The following MAD2L2 variants were observed in gnomAD, a reference collection of about 807,000 sequenced individuals.
The protein encoded by MAD2L2 is mitotic arrest deficient 2 like 2.
A neutral mutation model predicts 30.5 loss-of-function variants in MAD2L2; 17 were observed. The ratio of observed to expected loss-of-function variants is 0.56; its 90% CI spans 0.38 to 0.84. MAD2L2 has a LOEUF of 0.84. Among genes scored for constraint, MAD2L2 ranks in the 40% least tolerant of loss-of-function variants. The pLI, the probability that MAD2L2 is intolerant of heterozygous loss-of-function variation, is 0.00. For missense variants in MAD2L2, 213 were observed against 277.4 expected, an observed-to-expected ratio of 0.77 and a Z score of 1.65; for synonymous variants, 101 against 113.9, an observed-to-expected ratio of 0.89 and a Z score of 0.72.
upstream of MAD2L2, among the ~76,000 whole-genome samples, chr1:11,682,360 G>C (rs1640892625): frequency 6.6e-6 from 1 of 152,218 alleles, no homozygotes; most frequent in East Asian, 1.9e-4. Context: ...AGGGACGTAA[G>C]AGCTTGTTAG....
Position 11,688,344 on chromosome 1 carries a change from G to T in MAD2L2, c.-692+3069C>A, listed in dbSNP as rs1044158926. ...GGAGGCCGAGGCTGGCGAATCACCT[G>T]AGGTCAGGATATCGAGACCATCCTG... On this transcript the variant is annotated intron_variant, in intron 1 of 10. Transcript: ENST00000235310. The surrounding 1 kb of genome is among the most constrained non-coding windows in gnomAD (Gnocchi z 4.6). Among the ~76,000 whole-genome samples the T allele has an allele frequency of 3.9e-5, 6 of 152,190 alleles. No homozygotes were observed. Among genetic ancestry groups the T allele is most frequent in the African/African-American group, 1.4e-4 (6 of 41,450 alleles).
chr1:11,685,123 C>T (rs1338677531), upstream of MAD2L2, among the ~76,000 whole-genome samples: 1 of 151,960 alleles, frequency 6.6e-6, no homozygotes. Context: ...GAGGCAGGGT[C>T]TCCCCATGTT....
At chr1:11,680,922 CCGGGAGCGCAAAG>C (rs1238384169) in intron 1 of MAD2L2, 104 bp downstream of exon 1, 5 of 453,106 alleles carry the variant, frequency 1.1e-5, no homozygotes, top group Middle Eastern at 1.5e-3. Flanking sequence ...ATGCCCAGGG[CCGGGAGCGCAAAG>C]CGGGACATGC....
rs572482416 is a variant in MAD2L2, at chr1:11,690,536, A to C, written c.-692+877T>G. ...TCGAGGTCATAGGGGACGGCATCAG[A>C]AGAGGAACACAGACATTTAGCCTGA... On this transcript the variant is annotated intron_variant, in intron 1 of 10. Coordinates refer to the MAD2L2 transcript ENST00000235310. The surrounding 1 kb of genome is among the most constrained non-coding windows in gnomAD (Gnocchi z 4.2). 6.6e-6 allele frequency among the ~76,000 whole-genome samples: 1 copy of C among 152,356 alleles called. No homozygotes were observed. Among genetic ancestry groups the C allele is most frequent in the South Asian group, 2.1e-4 (1 of 4,824 alleles).
At position 11,674,641 on chromosome 1, in the gene MAD2L2, CCGGGCTGGGGCGGG is replaced by C; in HGVS notation, c.*120_*133del. ...ATCCTCCAAGCAGACCTGAGCGGCCCCGGGCTGGGGCGGGCGATCCACACACAGAGGCGATAAGA... is the reference window on the plus strand; with the variant it reads ...ATCCTCCAAGCAGACCTGAGCGGCCCCGATCCACACACAGAGGCGATAAGA... On this transcript the variant is annotated 3_prime_UTR_variant, in exon 9 of 9. Transcript: ENST00000376692. The surrounding 1 kb of genome is among the most constrained non-coding windows in gnomAD (Gnocchi z 6.1). 1 of 959,724 alleles carries C rather than the reference CCGGGCTGGGGCGGG, an allele frequency of 1.0e-6. No individual in the cohort carries two copies. The highest frequency in any genetic ancestry group is 1.6e-6 in the Non-Finnish European group (1 of 618,746). 59.5% of individuals were successfully genotyped at this position (959,724 alleles called of 1,614,324 possible). A position where few individuals can be genotyped will look rare whatever the true frequency, so the allele number is the denominator to read the frequency against.
In MAD2L2 at chr1:11,674,985, G is replaced by A. The variant is rs765354720; in HGVS notation, c.594+97C>T. 109 of 1,283,622 alleles carry A rather than the reference G, an allele frequency of 8.5e-5. No individual in the cohort carries two copies. Among genetic ancestry groups the A allele is most frequent in the Non-Finnish European group, 1.1e-4 (101 of 906,366 alleles). The allele number at this position is 1,283,622 out of a possible 1,614,324, so 79.5% of individuals were successfully genotyped here. ...GGAGCCCTCCACCAGGCACTCCCCCGTTCTCTCCCGCAAGCCCTCTAGTAA... is the reference window on the plus strand; with the variant it reads ...GGAGCCCTCCACCAGGCACTCCCCCATTCTCTCCCGCAAGCCCTCTAGTAA... On this transcript the variant is annotated intron_variant, in intron 8 of 8. Transcript: ENST00000376692. This position sits in a 1 kb window ranked among gnomAD's most constrained non-coding sequence, Gnocchi z 6.1.
chr1:11,683,759 G>A (rs1417336157), upstream of MAD2L2, among the ~76,000 whole-genome samples: 2 of 152,042 alleles, frequency 1.3e-5, no homozygotes, highest in Non-Finnish European at 2.9e-5. Context: ...ATCACCTGAG[G>A]TCAGGAGTTT....
chr1:11,686,470 T>A (rs1278940029), intron 1 of MAD2L2, among the ~76,000 whole-genome samples: 1 of 152,220 alleles, frequency 6.6e-6, no homozygotes, highest in Non-Finnish European at 1.5e-5. Flanking sequence ...GGTCTCGCTG[T>A]GTTACCCAGG....
At chr1:11,677,436 G>A in intron 4 of MAD2L2, 107 bp downstream of exon 4, 2 of 1,083,254 alleles carry the variant, frequency 1.8e-6, no homozygotes, top group Non-Finnish European at 2.8e-6. Context: ...GAGCCATGAA[G>A]ACCCCACAGA....
chr1:11,689,528 G>A (rs1641023640), intron 1 of MAD2L2, among the ~76,000 whole-genome samples: 1 of 152,078 alleles, frequency 6.6e-6, no homozygotes, highest in Non-Finnish European at 1.5e-5. Context: ...CCCGGGAGGT[G>A]GAGGTTGCAG....
At chr1:11,684,290 G>C (rs184937899), upstream of MAD2L2, among the ~76,000 whole-genome samples, 1 of 152,302 alleles carries the variant, frequency 6.6e-6, no homozygotes, top group East Asian at 1.9e-4. Flanking sequence ...CAGCATGATG[G>C]ATGGTTGTGG....
chr1:11,677,268 GAGA>G (rs1293580577), intron 4 of MAD2L2: 4 of 596,064 alleles, frequency 6.7e-6, no homozygotes, highest in Non-Finnish European at 1.2e-5. Context: ...GGACGGATGT[GAGA>G]AGAACCCCGA....
chr1:11,676,726 C>T (rs1640775495), intron 5 of MAD2L2, 122 bp downstream of exon 5: 4 of 752,794 alleles, frequency 5.3e-6, no homozygotes, highest in Middle Eastern at 6.3e-4. Context: ...CATGCTGGTG[C>T]TTCTTGCCCT....
rs764714181 is a variant in MAD2L2 at position 11,688,260 on chromosome 1, T to C, written c.-692+3153A>G. 6.6e-6 allele frequency among the ~76,000 whole-genome samples: 1 copy of C among 152,136 alleles called. No homozygotes were observed. Among genetic ancestry groups the C allele is most frequent in the Non-Finnish European group, 1.5e-5 (1 of 68,028 alleles). On this transcript the variant is annotated intron_variant, in intron 1 of 10. Transcript: ENST00000235310. This position sits in a 1 kb window ranked among gnomAD's most constrained non-coding sequence, Gnocchi z 4.6. ...GTCCCACTGCAGACTACTCCCAACC[T>C]TAGGAATCAGCACACGTGGCCGGGC...
chr1:11,684,928 CT>C (rs60300457), upstream of MAD2L2, among the ~76,000 whole-genome samples: 99,255 of 145,588 alleles, frequency 0.68, 33,951 homozygotes, highest in South Asian at 0.75. Context: ...CTCTCTCTCT[CT>C]TTTTTTTTTT....
At chr1:11,675,245 C>T (rs1315344216) in intron 7 of MAD2L2, 71 bp from the exon 8 acceptor site, 6 of 1,042,094 alleles carry the variant, frequency 5.8e-6, no homozygotes, top group African/African-American at 4.8e-5. Flanking sequence ...GCTGTCCCTC[C>T]CACTCCAGAC....
upstream of MAD2L2, among the ~76,000 whole-genome samples, chr1:11,682,710 G>A (rs1431583798): frequency 6.6e-6 from 1 of 152,120 alleles, no homozygotes; most frequent in Non-Finnish European, 1.5e-5. Flanking sequence ...GCCCAGCAAA[G>A]TGTGGGAATC....
At chr1:11,684,858 G>A (rs1489121407), upstream of MAD2L2, among the ~76,000 whole-genome samples, 2 of 152,142 alleles carry the variant, frequency 1.3e-5, no homozygotes, top group South Asian at 2.1e-4. Flanking sequence ...ATGCTCCGGG[G>A]CAGGGACCCA....
chr1:11,680,731 T>A (rs1462271037), intron 1 of MAD2L2, 118 bp from the exon 2 acceptor site: 2 of 1,439,312 alleles, frequency 1.4e-6, no homozygotes, highest in African/African-American at 2.9e-5. Context: ...GACCTCCCGC[T>A]TCGCACAGGC....
Sources: gnomAD v4.1 joint callset for allele counts (sites outside exome capture counted in the v4.1 genomes callset) on GRCh38, gnomAD v4.1.1 for gene constraint, Gnocchi (gnomAD v3.1) non-coding constraint, MANE v1.5 for transcripts, NCBI Gene and HGNC (gene_info 2026-07-23, HGNC 2026-07-21) for gene names.